GRM8: variants seen among roughly 807,000 people sequenced by gnomAD.
GRM8 encodes the protein glutamate metabotropic receptor 8, also known as metabotropic glutamate receptor 8.
Under a neutral mutation model 87.2 loss-of-function variants are expected in GRM8, and 47 were observed. That is an observed-to-expected ratio of 0.54 (90% CI 0.43 to 0.69). The LOEUF (loss-of-function observed/expected upper bound fraction) is 0.69. GRM8 is among the 30% of genes least tolerant of loss of function. The probability of loss-of-function intolerance (pLI) is 0.00; values close to 1 mark genes in which losing one functional copy is unlikely to be tolerated. For missense variants in GRM8, 1,019 were observed against 1,139.2 expected (o/e 0.89, Z 1.52); for synonymous variants, 396 against 404.5 (o/e 0.98, Z 0.25).
intron 6 of GRM8, among the ~76,000 whole-genome samples, chr7:126,844,520 T>C (rs1796542962): frequency 6.6e-6 from 1 of 152,200 alleles, no homozygotes; most frequent in African/African-American, 2.4e-5. Flanking sequence ...GAAGTAGGTA[T>C]TATTATTTCT....
chr7:127,161,368 T>C (rs1793105731), intron 2 of GRM8, among the ~76,000 whole-genome samples: 1 of 152,156 alleles, frequency 6.6e-6, no homozygotes. Flanking sequence ...CTGGAACAGC[T>C]GGAGAGATAG....
At chr7:126,844,776 T>G (rs1032134752) in intron 6 of GRM8, among the ~76,000 whole-genome samples, 1 of 152,166 alleles carries the variant, frequency 6.6e-6, no homozygotes, top group East Asian at 1.9e-4. Flanking sequence ...CATGGAGAGA[T>G]AGAGAAAATG....
chr7:126,740,614 C>T (rs1814845115), intron 7 of GRM8, among the ~76,000 whole-genome samples: 1 of 152,116 alleles, frequency 6.6e-6, no homozygotes, highest in South Asian at 2.1e-4. Context: ...TGACCTTGAA[C>T]AAATCATTTA....
chr7:126,585,906 T>C (rs1796070297), intron 8 of GRM8, among the ~76,000 whole-genome samples: 2 of 152,180 alleles, frequency 1.3e-5, no homozygotes, highest in Admixed American at 6.5e-5. Context: ...TGTTTGTAGA[T>C]GACATGATTG....
intron 8 of GRM8, among the ~76,000 whole-genome samples, chr7:126,568,299 G>A (rs747434874): frequency 5.1e-4 from 78 of 152,158 alleles, no homozygotes; most frequent in South Asian, 8.3e-4. Flanking sequence ...CCATAGTTAC[G>A]TTAACAGAAA....
intron 2 of GRM8, among the ~76,000 whole-genome samples, chr7:127,166,340 G>A (rs140423982): frequency 6.6e-6 from 1 of 151,882 alleles, no homozygotes; most frequent in East Asian, 1.9e-4. Context: ...AACATAAAAG[G>A]CTCAGAAATT....
chr7:126,516,200 A>T (rs1351404258), intron 9 of GRM8, among the ~76,000 whole-genome samples: 1 of 152,006 alleles, frequency 6.6e-6, no homozygotes, highest in East Asian at 1.9e-4. Flanking sequence ...GTTACATTTT[A>T]ATTTCAGATA....
chr7:127,042,797 A>T (rs1237125043), intron 3 of GRM8, among the ~76,000 whole-genome samples: 2 of 152,224 alleles, frequency 1.3e-5, no homozygotes, highest in African/African-American at 4.8e-5. Flanking sequence ...TCTGCACAGC[A>T]AAAGAAACCA....
intron 6 of GRM8, among the ~76,000 whole-genome samples, chr7:126,794,456 T>C (rs1001485236): frequency 6.6e-6 from 1 of 152,140 alleles, no homozygotes; most frequent in Non-Finnish European, 1.5e-5. Context: ...AGAAGATAAA[T>C]GTATTTTATT....
At chr7:126,471,369 A>C (rs1292135633) in intron 9 of GRM8, among the ~76,000 whole-genome samples, 1 of 152,118 alleles carries the variant, frequency 6.6e-6, no homozygotes, top group East Asian at 1.9e-4. Context: ...ATTTGTGTAT[A>C]AGGTGTAAGG....
At chr7:127,241,437 C>CTTT (rs11291980) in intron 2 of GRM8, among the ~76,000 whole-genome samples, 2 of 132,944 alleles carry the variant, frequency 1.5e-5, no homozygotes, top group East Asian at 2.1e-4. Context: ...TTTTTTTTTT[C>CTTT]TTTTTTTTTT....
intron 3 of GRM8, among the ~76,000 whole-genome samples, chr7:126,953,821 T>G (rs947229579): frequency 2.0e-5 from 3 of 152,138 alleles, no homozygotes; most frequent in East Asian, 3.9e-4. Flanking sequence ...TCCAGTGGAT[T>G]ATACAACATT....
At chr7:126,914,217 A>G (rs562539411) in intron 3 of GRM8, among the ~76,000 whole-genome samples, 2 of 152,338 alleles carry the variant, frequency 1.3e-5, no homozygotes, top group South Asian at 4.1e-4. Context: ...CAAAACCACT[A>G]TGAGACATCA....
rs1349551500 is a variant in GRM8 at position 127,059,317 on chromosome 7, A to AT, written c.727+47178dup. ...TTCTCAAAATGATTGGTTCATATAA[A>AT]TTTTTTTTTTTTGCTTTTTTTTTTT... On this transcript the variant is annotated intron_variant, in intron 3 of 10. Coordinates refer to ENST00000339582, the MANE Select transcript of GRM8 (RefSeq NM_000845.3). 1.3e-3 allele frequency among the ~76,000 whole-genome samples: 181 copies of AT among 140,758 alleles called. 2 individuals are homozygous for AT. Among genetic ancestry groups the AT allele is most frequent in the South Asian group, 7.1e-3 (31 of 4,338 alleles). 92.3% of individuals were successfully genotyped at this position (140,758 alleles called of 152,430 possible).
chr7:127,129,813 C>T (rs894798073), intron 2 of GRM8, among the ~76,000 whole-genome samples: 5 of 152,090 alleles, frequency 3.3e-5, no homozygotes, highest in African/African-American at 1.2e-4. Context: ...GAATTTGGAC[C>T]GCTGTTGCAG....
intron 7 of GRM8, among the ~76,000 whole-genome samples, chr7:126,718,529 G>A (rs1812014689): frequency 6.6e-6 from 1 of 152,168 alleles, no homozygotes; most frequent in Non-Finnish European, 1.5e-5. Context: ...CTGTGTGGTG[G>A]AGGCCAGGAC....
chr7:126,816,081 C>A (rs1793763640), intron 6 of GRM8, among the ~76,000 whole-genome samples: 1 of 151,924 alleles, frequency 6.6e-6, no homozygotes, highest in African/African-American at 2.4e-5. Flanking sequence ...GCCTGGGAAA[C>A]CAAACCACAG....
Position 126,685,557 on chromosome 7 carries a change from T to C in GRM8, c.1358-76059A>G, listed in dbSNP as rs992336207. Among the ~76,000 whole-genome samples the C allele has an allele frequency of 6.6e-6, 1 of 152,058 alleles. No homozygotes were observed. The highest frequency in any genetic ancestry group is 1.5e-5 in the Non-Finnish European group (1 of 67,992). ...CTGCCTGGCTTCTCCCCACTGTCAG[T>C]GTATGCTCTGATCTTGGAGTAAGGT... On this transcript the variant is annotated intron_variant, in intron 7 of 10. Transcript: ENST00000339582. The surrounding 1 kb of genome is among the most constrained non-coding windows in gnomAD (Gnocchi z 4.2).
At chr7:127,177,981 T>C (rs1794214319) in intron 2 of GRM8, among the ~76,000 whole-genome samples, 1 of 152,124 alleles carries the variant, frequency 6.6e-6, no homozygotes, top group South Asian at 2.1e-4. Flanking sequence ...TCACCAGCAA[T>C]GGATCCAAAC....
Sources: gnomAD v4.1 joint callset for allele counts (sites outside exome capture counted in the v4.1 genomes callset) on GRCh38, gnomAD v4.1.1 for gene constraint, Gnocchi (gnomAD v3.1) non-coding constraint, MANE v1.5 for transcripts, NCBI Gene and HGNC (gene_info 2026-07-23, HGNC 2026-07-21) for gene names.